The following CEP89 variants were observed in gnomAD, a reference collection of about 807,000 sequenced individuals.
CEP89 encodes the protein centrosomal protein 89.
In CEP89, 95 loss-of-function variants were observed where a neutral mutation model predicts 97.6. The observed-to-expected ratio is 0.97, with a 90% CI of 0.82 to 1.15. The LOEUF (loss-of-function observed/expected upper bound fraction) is 1.15, where lower values mean the gene tolerates loss of function less well. CEP89 is among the 50% of genes most tolerant of loss of function. CEP89 has a pLI of 0.00. For missense variants in CEP89, 869 were observed against 947.7 expected, an observed-to-expected ratio of 0.92 and a Z score of 1.09; for synonymous variants, 354 against 349.1, an observed-to-expected ratio of 1.01 and a Z score of -0.16.
At chr19:32,917,934 A>T (rs1970162409) in intron 13 of CEP89, 4 of 311,768 alleles carry the variant, frequency 1.3e-5, no homozygotes, top group Non-Finnish European at 1.9e-5. Context: ...GATCATTCCC[A>T]TTTCTAAGGT....
intron 3 of CEP89, among the ~76,000 whole-genome samples, chr19:32,957,334 TG>T (rs1208919367): frequency 1.3e-5 from 2 of 152,132 alleles, no homozygotes. Context: ...AAGTCAGAGA[TG>T]GGGTGGTTGT....
chr19:32,960,845 C>T (rs1488694186), intron 2 of CEP89, among the ~76,000 whole-genome samples: 1 of 151,912 alleles, frequency 6.6e-6, no homozygotes, highest in Non-Finnish European at 1.5e-5. Flanking sequence ...AAAAGACCAC[C>T]GTCCCAGCTT....
intron 2 of CEP89, chr19:32,963,941 AACACACAC>A (rs55691423): frequency 0.097 from 13,964 of 143,580 alleles, 766 homozygotes; most frequent in East Asian, 0.26. Flanking sequence ...CATGCACATG[AACACACAC>A]ACACACACAC....
intron 11 of CEP89, among the ~76,000 whole-genome samples, chr19:32,925,256 CA>C (rs917952069): frequency 1.7e-5 from 2 of 120,206 alleles, no homozygotes; most frequent in Non-Finnish European, 3.5e-5. Context: ...GAGGCATCTA[CA>C]ACACCTACAC....
intron 16 of CEP89, among the ~76,000 whole-genome samples, chr19:32,896,295 AG>A (rs1335592181): frequency 6.6e-6 from 1 of 152,196 alleles, no homozygotes; most frequent in Non-Finnish European, 1.5e-5. Context: ...AACAGAATAA[AG>A]CACCAAGAAA....
chr19:32,901,114 T>C, intron 15 of CEP89, 131 bp downstream of exon 15: 1 of 833,206 alleles, frequency 1.2e-6, no homozygotes, highest in Non-Finnish European at 1.9e-6. Context: ...CTTGAACTTC[T>C]GACCTCAAAT....
chr19:32,955,061 T>C (rs2145961788), intron 3 of CEP89, among the ~76,000 whole-genome samples: 1 of 152,186 alleles, frequency 6.6e-6, no homozygotes, highest in South Asian at 2.1e-4. Context: ...CTTGGCTTAC[T>C]GCAGCATCCA....
At chr19:32,949,221 T>C (rs550131911) in intron 4 of CEP89, among the ~76,000 whole-genome samples, 1 of 152,322 alleles carries the variant, frequency 6.6e-6, no homozygotes, top group East Asian at 1.9e-4. Context: ...GCTGAAATTT[T>C]GTTTCATCCC....
Position 32,933,462 on chromosome 19 carries a change from G to T in CEP89, c.875C>A (p.Ser292Ter). 1.2e-6 allele frequency: 2 copies of T among 1,613,364 alleles called. No individual in the cohort carries two copies. The highest frequency in any genetic ancestry group is 1.1e-5 in the South Asian group (1 of 90,900). The change falls in exon 8 of 19, where the codon TCG becomes TAG. Residue 292 changes from serine to a stop codon, truncating the protein, a stop_gained. Transcript: ENST00000305768. LOFTEE classifies it high-confidence loss of function. ...KRKLKEAEKA[S>*]SQEVAAPELL... ...CTGTCTGTCCCCACCTTCCTGTGAC[G>T]ACGCCTTCTCAGCCTCTTTGAGCTT...
intron 16 of CEP89, 151 bp downstream of exon 16, chr19:32,899,706 C>A (rs2145886140): frequency 1.5e-6 from 1 of 662,940 alleles, no homozygotes; most frequent in East Asian, 2.8e-5. Context: ...ATAAATACAT[C>A]ATAAAGTCGA....
At chr19:32,951,205 T>C (rs532280510) in intron 4 of CEP89, among the ~76,000 whole-genome samples, 6 of 152,152 alleles carry the variant, frequency 3.9e-5, no homozygotes, top group Non-Finnish European at 7.3e-5. Flanking sequence ...ATAAACATAC[T>C]TTAAAAGGCT....
Position 32,899,986 on chromosome 19 carries a change from CT to C in CEP89, c.1745del (p.Lys582ArgfsTer34). The C allele has an allele frequency of 6.2e-7, 1 of 1,614,046 alleles. No homozygotes were observed. The highest frequency in any genetic ancestry group is 2.2e-5 in the East Asian group (1 of 44,868). ...RAQKINRKSQ[K>X]KIEVLKKQVE... ...CCTGCTTTTTGAGGACCTCAATTTT[CT>C]TTTGAGATTTCCTAGAGAGTTACCC... is the stretch of plus-strand genomic sequence containing the variant. On this transcript the variant is annotated frameshift_variant, in exon 16 of 19. Coordinates refer to ENST00000305768, the MANE Select transcript of CEP89 (RefSeq NM_032816.5). LOFTEE classifies it high-confidence loss of function.
intron 1 of CEP89, chr19:32,971,528 G>T (rs1243283730): frequency 1.8e-6 from 1 of 550,370 alleles, no homozygotes; most frequent in Admixed American, 3.1e-5. Context: ...GTAGTGGCGC[G>T]CGCCTGTAGT....
At chr19:32,890,387 G>A (rs1325295997) in intron 16 of CEP89, among the ~76,000 whole-genome samples, 5 of 151,786 alleles carry the variant, frequency 3.3e-5, no homozygotes, top group South Asian at 4.2e-4. Flanking sequence ...GTGACACAGC[G>A]AGACTCCATC....
At chr19:32,928,451 C>T (rs551057500) in intron 9 of CEP89, among the ~76,000 whole-genome samples, 2 of 152,076 alleles carry the variant, frequency 1.3e-5, no homozygotes, top group South Asian at 2.1e-4. Context: ...TGTTTTTTCA[C>T]CCTGGTCATG....
At chr19:32,932,379 A>G (rs1253731533) in intron 8 of CEP89, among the ~76,000 whole-genome samples, 1 of 152,174 alleles carries the variant, frequency 6.6e-6, no homozygotes, top group East Asian at 1.9e-4. Flanking sequence ...TCTATGTGAA[A>G]AAAACTGACA....
intron 11 of CEP89, 128 bp from the exon 12 acceptor site, chr19:32,923,670 G>C (rs942746773): frequency 1.5e-6 from 1 of 651,218 alleles, no homozygotes; most frequent in Non-Finnish European, 2.7e-6. Context: ...CAACAGGCCA[G>C]CCTTCAACTC....
At chr19:32,961,067 A>G (rs1240439564) in intron 2 of CEP89, among the ~76,000 whole-genome samples, 1 of 152,188 alleles carries the variant, frequency 6.6e-6, no homozygotes, top group Non-Finnish European at 1.5e-5. Context: ...AAATTACCAG[A>G]CAGTGGAGGA....
intron 2 of CEP89, among the ~76,000 whole-genome samples, chr19:32,962,207 G>A (rs1159369344): frequency 2.6e-5 from 4 of 152,158 alleles, no homozygotes; most frequent in African/African-American, 9.7e-5. Flanking sequence ...TCTTGTGATA[G>A]TGAGCTCTCA....
Sources: gnomAD v4.1 joint callset for allele counts (sites outside exome capture counted in the v4.1 genomes callset) on GRCh38, gnomAD v4.1.1 for gene constraint, MANE v1.5 for transcripts, NCBI Gene and HGNC (gene_info 2026-07-23, HGNC 2026-07-21) for gene names.